Variants in DNAH6 observed in about 807,000 individuals in gnomAD.
The protein encoded by DNAH6 is dynein axonemal heavy chain 6.
A neutral mutation model predicts 491.4 loss-of-function variants in DNAH6; 340 were observed. The ratio of observed to expected loss-of-function variants is 0.69; its 90% CI spans 0.63 to 0.76. DNAH6 has a LOEUF of 0.76. Ranked by LOEUF, DNAH6 falls within the 30% of genes least tolerant of loss-of-function variation. DNAH6 has a pLI of 0.00. For missense variants in DNAH6, 4,443 were observed against 4,972.2 expected, an observed-to-expected ratio of 0.89 and a Z score of 3.20; for synonymous variants, 1,603 against 1,686.1, an observed-to-expected ratio of 0.95 and a Z score of 1.21.
chr2:84,733,241 GT>G (rs1321963021), intron 61 of DNAH6, among the ~76,000 whole-genome samples: 1 of 152,144 alleles, frequency 6.6e-6, no homozygotes, highest in Non-Finnish European at 1.5e-5. Context: ...AATCTGAAAA[GT>G]TTTTAGCAGC....
chr2:84,689,334 A>G (rs149146031), intron 45 of DNAH6, among the ~76,000 whole-genome samples: 1 of 152,104 alleles, frequency 6.6e-6, no homozygotes, highest in East Asian at 1.9e-4. Context: ...CCAGTGGTCT[A>G]TTGCTATGTA....
intron 4 of DNAH6, among the ~76,000 whole-genome samples, chr2:84,537,837 T>C (rs1234944197): frequency 6.6e-6 from 1 of 152,082 alleles, no homozygotes; most frequent in African/African-American, 2.4e-5. Flanking sequence ...GCCATTGAAA[T>C]ATAAACTTGC....
At chr2:84,722,435 G>A (rs1446216656) in intron 59 of DNAH6, among the ~76,000 whole-genome samples, 190 bp from the exon 60 acceptor site, 1 of 152,192 alleles carries the variant, frequency 6.6e-6, no homozygotes, top group Non-Finnish European at 1.5e-5. Flanking sequence ...ACTCTGGAAG[G>A]AAGAAAGGTC....
chr2:84,531,325 C>CT lies in DNAH6; in HGVS notation c.662+2170dup, dbSNP rs1169171696. ...TTTGGGGGCCTCAAGATTTATTTTC[C>CT]TTTTTTTTTTTATTTTTTATTTTTT... On this transcript the variant is annotated intron_variant, in intron 4 of 76. Coordinates refer to ENST00000389394, the MANE Select transcript of DNAH6 (RefSeq NM_001370.2). Among the ~76,000 whole-genome samples the CT allele has an allele frequency of 3.0e-4, 6 of 20,100 alleles. 2 individuals carry two copies. Among genetic ancestry groups the CT allele is most frequent in the Non-Finnish European group, 4.5e-4 (3 of 6,648 alleles). The allele number at this position is 20,100 out of a possible 152,430, so 13.2% of individuals were successfully genotyped here. A position where few individuals can be genotyped will look rare whatever the true frequency, so the allele number is the denominator to read the frequency against.
intron 51 of DNAH6, among the ~76,000 whole-genome samples, chr2:84,705,092 G>T (rs1055412289): frequency 6.6e-6 from 1 of 152,310 alleles, no homozygotes; most frequent in Middle Eastern, 3.4e-3. Context: ...GAAGAACAAA[G>T]TTCAAAGAGA....
At chr2:84,687,727 A>G (rs994218581) in intron 44 of DNAH6, among the ~76,000 whole-genome samples, 14 of 151,866 alleles carry the variant, frequency 9.2e-5, no homozygotes, top group African/African-American at 3.1e-4. Flanking sequence ...GTTGCTACAT[A>G]CAATAGAGAA....
At chr2:84,589,775 T>G (rs1342343965) in intron 16 of DNAH6, among the ~76,000 whole-genome samples, 1 of 142,220 alleles carries the variant, frequency 7.0e-6, no homozygotes, top group Non-Finnish European at 1.5e-5. Context: ...TCAAAAAACA[T>G]GAAGAGAAAG....
chr2:84,546,818 A>G (rs1327812739), intron 5 of DNAH6, among the ~76,000 whole-genome samples: 2 of 152,196 alleles, frequency 1.3e-5, no homozygotes, highest in East Asian at 3.8e-4. Context: ...GAAAACATGA[A>G]GCAGTTTTCC....
intron 74 of DNAH6, among the ~76,000 whole-genome samples, chr2:84,813,566 A>C (rs1457028401): frequency 6.6e-6 from 1 of 152,198 alleles, no homozygotes; most frequent in Non-Finnish European, 1.5e-5. Context: ...GCCTGTGAGC[A>C]ACTCAATGCT....
intron 64 of DNAH6, among the ~76,000 whole-genome samples, chr2:84,778,487 G>A (rs972671926): frequency 1.3e-5 from 2 of 151,508 alleles, no homozygotes; most frequent in Non-Finnish European, 2.9e-5. Flanking sequence ...CTCAATGTAG[G>A]AATTTAGCAC....
At chr2:84,700,533 T>C (rs538485090) in intron 48 of DNAH6, among the ~76,000 whole-genome samples, 11 of 152,334 alleles carry the variant, frequency 7.2e-5, no homozygotes, top group African/African-American at 2.6e-4. Flanking sequence ...AACTGATATA[T>C]TAGAAAATGT....
chr2:84,706,285 G>T (rs1473016473), intron 52 of DNAH6, among the ~76,000 whole-genome samples: 1 of 152,206 alleles, frequency 6.6e-6, no homozygotes, highest in African/African-American at 2.4e-5. Flanking sequence ...CGAGCACTCA[G>T]CTCTGCTGTT....
At chr2:84,623,213 C>T (rs1437722004) in intron 26 of DNAH6, among the ~76,000 whole-genome samples, 1 of 152,104 alleles carries the variant, frequency 6.6e-6, no homozygotes, top group Non-Finnish European at 1.5e-5. Flanking sequence ...ACACCAAAAG[C>T]ACAAGCAACA....
rs544339798 is a variant in DNAH6, at chr2:84,581,346, C to CT, written c.2229+1675dup. 3.9e-3 allele frequency among the ~76,000 whole-genome samples: 594 copies of CT among 152,172 alleles called. 5 individuals carry two copies. The highest frequency in any genetic ancestry group is 0.013 in the African/African-American group (555 of 41,522). On this transcript the variant is annotated intron_variant, in intron 14 of 76. Transcript: ENST00000389394. Reference sequence around the variant, plus strand: ...GGGAGATTCTCTGCACACACAAAAACTTTTTTTTGGAATGTCATTCATTCA... The same window carrying CT: ...GGGAGATTCTCTGCACACACAAAAACTTTTTTTTTGGAATGTCATTCATTCA...
At chr2:84,630,866 A>G (rs1688332258) in intron 29 of DNAH6, among the ~76,000 whole-genome samples, 1 of 152,218 alleles carries the variant, frequency 6.6e-6, no homozygotes, top group Non-Finnish European at 1.5e-5. Context: ...AATGTTGGAG[A>G]GTATTTTGAA....
In DNAH6 at chr2:84,577,310, G is replaced by A. The variant is rs373473966; in HGVS notation, c.1978G>A (p.Ala660Thr). The change falls in exon 13 of 77, where the codon GCA (alanine) becomes ACA (threonine). Residue 660 changes from alanine (A) to threonine (T), a missense_variant. Physicochemically the swap from Ala to Thr is moderately conservative, Grantham distance 58. Around this residue, in one of 3 missense-constraint regions of DNAH6, gnomAD observed 2,977 missense variants for 3,296.6 expected, o/e 0.90. Transcript: ENST00000389394. ...AAAATATCACAAACAGCACAAGGAC[G>A]CAGTAGCGCTCAGACCCACCAGAAA... ...LEKYHKQHKD[A>T]VALRPTRNVG... 4.6e-5 allele frequency: 74 copies of A among 1,606,506 alleles called. No homozygotes were observed. The highest frequency in any genetic ancestry group is 4.0e-4 in the South Asian group (36 of 88,920).
chr2:84,760,254 G>C (rs927926877), intron 63 of DNAH6, among the ~76,000 whole-genome samples: 1 of 152,140 alleles, frequency 6.6e-6, no homozygotes, highest in Non-Finnish European at 1.5e-5. Flanking sequence ...CATTGGTCTA[G>C]GCAAAGAATT....
chr2:84,501,060 A>C, the DNAH6 span, among the ~76,000 whole-genome samples: 2 of 152,190 alleles, frequency 1.3e-5, no homozygotes, highest in Non-Finnish European at 2.9e-5. Context: ...TTCCAGTACT[A>C]TGCTGAATAA....
Position 84,659,026 on chromosome 2 carries a change from G to T in DNAH6, c.5941G>T (p.Glu1981Ter). 7.1e-7 allele frequency: 1 copy of T among 1,409,554 alleles called. No homozygotes were observed. The highest frequency in any genetic ancestry group is 1.4e-5 in the South Asian group (1 of 72,806). 87.3% of individuals were successfully genotyped at this position (1,409,554 alleles called of 1,614,324 possible). A position where few individuals can be genotyped will look rare whatever the true frequency, so the allele number is the denominator to read the frequency against. ...AGTCTGTTTCTCTTTATTCTTTCAG[G>T]AACAAACAAAATTGAACACTATACT... ...LGKDGVNLAM[E>*]QTKLNTILCQ... Residue 1981 changes from glutamate (E) to a stop codon, truncating the protein, a stop_gained and splice_region_variant, in exon 37 of 77, where the codon GAA becomes TAA. Transcript: ENST00000389394. LOFTEE classifies it high-confidence loss of function.
Sources: gnomAD v4.1 joint callset for allele counts (sites outside exome capture counted in the v4.1 genomes callset) on GRCh38, gnomAD v4.1.1 for gene constraint, gnomAD v4.1.1 regional missense constraint, MANE v1.5 for transcripts, NCBI Gene and HGNC (gene_info 2026-07-23, HGNC 2026-07-21) for gene names.